GOLGA5: variants seen among roughly 807,000 people sequenced by gnomAD.
GOLGA5 encodes the protein golgin A5.
GOLGA5 carries 50 observed loss-of-function variants against 93.5 expected under a neutral mutation model. That is an observed-to-expected ratio of 0.53 (90% confidence interval 0.43 to 0.68). The LOEUF is 0.68. GOLGA5 is among the 30% of genes least tolerant of loss of function. The pLI, the probability that GOLGA5 is intolerant of heterozygous loss-of-function variation, is 0.00. For synonymous variants in GOLGA5, 312 were observed against 304.5 expected (o/e 1.02, Z -0.26); for missense variants, 760 against 856.4 (o/e 0.89, Z 1.40).
chr14:92,809,138 G>A lies in GOLGA5; in HGVS notation c.773-162G>A, dbSNP rs1477431339. Among the ~76,000 whole-genome samples the A allele has an allele frequency of 2.0e-5, 3 of 152,164 alleles. No homozygotes were observed. In the East Asian group the frequency reaches 5.8e-4, roughly 29 times the overall value. On this transcript the variant is annotated intron_variant, in intron 3 of 12. Transcript: ENST00000163416. ...TAATCTAGCTGTGAATATTGCCCTT[G>A]AAAAGTGGATGACCCTTTGGGGCAA...
chr14:92,833,470 A>G, intron 10 of GOLGA5, 123 bp downstream of exon 10: 1 of 681,780 alleles, frequency 1.5e-6, no homozygotes, highest in East Asian at 2.7e-5. Flanking sequence ...CTGATATGAG[A>G]CCTGGGCCAC....
At chr14:92,803,613 T>C (rs563453820) in intron 2 of GOLGA5, among the ~76,000 whole-genome samples, 3 of 152,316 alleles carry the variant, frequency 2.0e-5, no homozygotes, top group East Asian at 1.9e-4. Flanking sequence ...TACGTTTTTT[T>C]CCCCAAGAAT....
chr14:92,826,927 T>C (rs1885435203), intron 9 of GOLGA5, among the ~76,000 whole-genome samples: 1 of 152,134 alleles, frequency 6.6e-6, no homozygotes, highest in African/African-American at 2.4e-5. Context: ...CAAAAAGCGC[T>C]AACTGTAGAA....
At chr14:92,835,834 C>G (rs542677117) in intron 11 of GOLGA5, among the ~76,000 whole-genome samples, 170 bp downstream of exon 11, 2 of 152,158 alleles carry the variant, frequency 1.3e-5, no homozygotes, top group Non-Finnish European at 2.9e-5. Context: ...TTATATTACA[C>G]TTTCATGAAG....
intron 3 of GOLGA5, 60 bp from the exon 4 acceptor site, chr14:92,809,240 G>A (rs920768741): frequency 4.0e-5 from 46 of 1,141,964 alleles, no homozygotes; most frequent in African/African-American, 2.6e-4. Flanking sequence ...GAAACTGTAC[G>A]TGCTCTGAGA....
chr14:92,839,314 TG>T, intron 12 of GOLGA5, 51 bp from the exon 13 acceptor site: 1 of 1,161,304 alleles, frequency 8.6e-7, no homozygotes, highest in Non-Finnish European at 1.3e-6. Context: ...AGTGGGCCTT[TG>T]GTAAAAATTG....
chr14:92,799,791 G>T (rs569127975), intron 2 of GOLGA5, among the ~76,000 whole-genome samples: 1 of 151,344 alleles, frequency 6.6e-6, no homozygotes, highest in African/African-American at 2.4e-5. Context: ...TTTTTTGGTA[G>T]AGATAGGGTT....
intron 3 of GOLGA5, 40 bp downstream of exon 3, chr14:92,807,003 T>A: frequency 1.5e-6 from 2 of 1,373,922 alleles, no homozygotes; most frequent in South Asian, 1.2e-5. Flanking sequence ...ATTTAACTTT[T>A]AAAAATAAAC....
chr14:92,807,659 A>G (rs760395720), intron 3 of GOLGA5, among the ~76,000 whole-genome samples: 4 of 152,218 alleles, frequency 2.6e-5, no homozygotes, highest in Admixed American at 2.6e-4. Context: ...TAAAAGGTAC[A>G]TGGAATTCAG....
chr14:92,833,245 C>G lies in GOLGA5; in HGVS notation c.1843C>G (p.Leu615Val). The G allele has an allele frequency of 1.2e-6, 2 of 1,613,468 alleles. No homozygotes were observed. The highest frequency in any genetic ancestry group is 1.7e-6 in the Non-Finnish European group (2 of 1,179,382). ...GAGTCTCAGCACAGAAAAGAACTCC[C>G]TGGTCTTTCAACTGGAGCGCCTCGA... ...LESLSTEKNS[L>V]VFQLERLEQQ... Residue 615 changes from leucine to valine, a missense_variant, in exon 10 of 13, where the codon CTG becomes GTG. By Grantham distance (32) the Leu-to-Val change is conservative. Coordinates refer to ENST00000163416, the MANE Select transcript of GOLGA5 (RefSeq NM_005113.4).
intron 7 of GOLGA5, among the ~76,000 whole-genome samples, chr14:92,816,759 T>A (rs1885217423): frequency 6.6e-6 from 1 of 152,170 alleles, no homozygotes; most frequent in Non-Finnish European, 1.5e-5. Flanking sequence ...AGGGTATCCC[T>A]GTGTTGTCCA....
chr14:92,836,910 C>T (rs1368791531), intron 11 of GOLGA5, among the ~76,000 whole-genome samples: 2 of 151,864 alleles, frequency 1.3e-5, no homozygotes, highest in African/African-American at 2.4e-5. Flanking sequence ...ACTAAAAATA[C>T]AAAAAAATTA....
rs1187205103 is a variant in GOLGA5 at position 92,839,537 on chromosome 14, C to T, written c.*91C>T. On this transcript the variant is annotated 3_prime_UTR_variant, in exon 13 of 13. Transcript: ENST00000163416. ...TTGCCTAAAATTTCTGAGAACAGTG[C>T]ACAAGATTATTTTATCACTACAAGC... 7 of 773,526 alleles carry T rather than the reference C, an allele frequency of 9.0e-6. No individual in the cohort carries two copies. Among genetic ancestry groups the T allele is most frequent in the African/African-American group, 1.7e-5 (1 of 58,606 alleles). The allele number at this position is 773,526 out of a possible 1,614,324, so 47.9% of individuals were successfully genotyped here. A position where few individuals can be genotyped will look rare whatever the true frequency, so the allele number is the denominator to read the frequency against.
chr14:92,820,021 A>G (rs1452956662), intron 8 of GOLGA5, among the ~76,000 whole-genome samples, 185 bp downstream of exon 8: 3 of 152,062 alleles, frequency 2.0e-5, no homozygotes, highest in Non-Finnish European at 4.4e-5. Flanking sequence ...GGTATATCTC[A>G]TCAGGTGGGA....
chr14:92,832,847 G>A (rs1227022025), intron 9 of GOLGA5, among the ~76,000 whole-genome samples: 1 of 152,060 alleles, frequency 6.6e-6, no homozygotes, highest in Non-Finnish European at 1.5e-5. Context: ...ACTGAAACAG[G>A]AGTTTCACAA....
chr14:92,796,268 A>G (rs960089202), intron 1 of GOLGA5, among the ~76,000 whole-genome samples: 5 of 152,214 alleles, frequency 3.3e-5, no homozygotes, highest in African/African-American at 1.2e-4. Flanking sequence ...GAGTTTTGCC[A>G]TATTGGTTAT....
At chr14:92,817,467 T>C (rs1885233773) in intron 7 of GOLGA5, among the ~76,000 whole-genome samples, 1 of 152,228 alleles carries the variant, frequency 6.6e-6, no homozygotes, top group Admixed American at 6.5e-5. Context: ...GATGATCTTC[T>C]AATTACAGTT....
intron 7 of GOLGA5, among the ~76,000 whole-genome samples, chr14:92,818,254 C>T (rs1200492664): frequency 6.6e-6 from 1 of 152,168 alleles, no homozygotes; most frequent in Non-Finnish European, 1.5e-5. Flanking sequence ...TAAATAATTA[C>T]AATAGCTATT....
At position 92,809,438 on chromosome 14, in the gene GOLGA5, T is replaced by C. The variant is rs1244466689; in HGVS notation, c.911T>C (p.Leu304Pro). Residue 304 changes from leucine to proline, a missense_variant, in exon 4 of 13, where the codon CTG becomes CCG. Coordinates refer to ENST00000163416, the MANE Select transcript of GOLGA5 (RefSeq NM_005113.4). ...GCAAAGGATTCCCAGCTGGCTGTAC[T>C]GAAAGTGAGACTCCAGGAAGCTGAC... Reference protein sequence around the residue: ...VAAKDSQLAVLKVRLQEADQL... With the variant: ...VAAKDSQLAVPKVRLQEADQL... The C allele has an allele frequency of 6.2e-7, 1 of 1,613,878 alleles. No individual in the cohort carries two copies.
Sources: allele counts gnomAD v4.1 joint callset (sites outside exome capture counted in the v4.1 genomes callset), GRCh38; gene constraint gnomAD v4.1.1; transcripts MANE v1.5; gene names NCBI Gene and HGNC (gene_info 2026-07-23, HGNC 2026-07-21).